Variants in UNC5D observed in about 807,000 individuals in gnomAD.
The protein encoded by UNC5D is netrin receptor UNC5D.
A neutral mutation model predicts 105.4 loss-of-function variants in UNC5D; 39 were observed. The ratio of observed to expected loss-of-function variants is 0.37; its 90% CI spans 0.29 to 0.48. UNC5D has a LOEUF of 0.48. Ranked by LOEUF, UNC5D falls within the 20% of genes least tolerant of loss-of-function variation. UNC5D has a pLI of 0.98. For missense variants in UNC5D, 991 were observed against 1,202.4 expected (o/e 0.82, Z 2.60); for synonymous variants, 452 against 450.4 (o/e 1.00, Z -0.04).
Position 35,796,100 on chromosome 8 carries a change from G to T in UNC5D, c.*5537G>T, listed in dbSNP as rs1035055018. 6.6e-6 allele frequency: 1 copy of T among 152,012 alleles called. No homozygotes were observed. Among genetic ancestry groups the T allele is most frequent in the African/African-American group, 2.4e-5 (1 of 41,390 alleles). 9.4% of individuals were successfully genotyped at this position (152,012 alleles called of 1,614,324 possible). ...ACCACTCTCAACTTTTATTTGATGT[G>T]TTCAAAGCCAAAAAATAAAATAAAA... On this transcript the variant is annotated 3_prime_UTR_variant, in exon 17 of 17. Transcript: ENST00000404895.
intron 1 of UNC5D, among the ~76,000 whole-genome samples, chr8:35,408,324 T>C (rs1804940414): frequency 6.6e-6 from 1 of 151,856 alleles, no homozygotes; most frequent in South Asian, 2.1e-4. Flanking sequence ...TTTTTATTTA[T>C]TTTTTTGGTT....
At position 35,726,154 on chromosome 8, in the gene UNC5D, A is replaced by G; in HGVS notation, c.1306A>G (p.Asn436Asp). The change falls in exon 10 of 17, where the codon AAC becomes GAC. Residue 436 changes from asparagine to aspartate, a missense_variant and splice_region_variant. Around this residue, in one of 3 missense-constraint regions of UNC5D, gnomAD observed 944 missense variants for 1,131.6 expected, o/e 0.83. Coordinates refer to ENST00000404895, the MANE Select transcript of UNC5D (RefSeq NM_080872.4). ...ACAGATCAATTTTCTTTTACCAGGTAACTCCCTGCTCCTGAATTCTGCCAT... is the reference window on the plus strand; with the variant it reads ...ACAGATCAATTTTCTTTTACCAGGTGACTCCCTGCTCCTGAATTCTGCCAT... ...TFNFKTVRQG[N>D]SLLLNSAMQP... 1 of 1,604,514 alleles carries G rather than the reference A, an allele frequency of 6.2e-7. No homozygotes were observed. The highest frequency in any genetic ancestry group is 8.5e-7 in the Non-Finnish European group (1 of 1,173,412).
intron 16 of UNC5D, among the ~76,000 whole-genome samples, chr8:35,785,118 T>C (rs2131792588): frequency 6.6e-6 from 1 of 152,174 alleles, no homozygotes; most frequent in African/African-American, 2.4e-5. Flanking sequence ...GTGAATTCTG[T>C]TTTGTAGTAC....
intron 14 of UNC5D, among the ~76,000 whole-genome samples, chr8:35,763,126 A>T (rs1290196309): frequency 6.6e-6 from 1 of 152,140 alleles, no homozygotes; most frequent in Admixed American, 6.5e-5. Context: ...CGGTGCTTCT[A>T]ATTCTATTAT....
chr8:35,382,881 T>C, intron 1 of UNC5D, among the ~76,000 whole-genome samples: 1 of 152,212 alleles, frequency 6.6e-6, no homozygotes, highest in East Asian at 1.9e-4. Flanking sequence ...CTCTAGTTTA[T>C]GGATATTACC....
chr8:35,367,343 A>AT (rs1585680671), intron 1 of UNC5D, among the ~76,000 whole-genome samples: 1 of 151,894 alleles, frequency 6.6e-6, no homozygotes, highest in South Asian at 2.1e-4. Context: ...TTAAACTTCT[A>AT]TTTTTTCAAT....
chr8:35,337,239 C>A (rs1347855801), intron 1 of UNC5D, among the ~76,000 whole-genome samples: 1 of 152,182 alleles, frequency 6.6e-6, no homozygotes, highest in Non-Finnish European at 1.5e-5. Context: ...CCCAATATCA[C>A]TCCCTACTAG....
chr8:35,387,935 C>G (rs552979042), intron 1 of UNC5D, among the ~76,000 whole-genome samples: 1 of 151,958 alleles, frequency 6.6e-6, no homozygotes, highest in Non-Finnish European at 1.5e-5. Flanking sequence ...GAAAATTGAT[C>G]GGCTAAGTAA....
chr8:35,569,751 C>T (rs1318719202), intron 3 of UNC5D, among the ~76,000 whole-genome samples: 1 of 152,192 alleles, frequency 6.6e-6, no homozygotes, highest in African/African-American at 2.4e-5. Context: ...TCTGTGCTCC[C>T]AGCATGGTCT....
intron 4 of UNC5D, among the ~76,000 whole-genome samples, chr8:35,678,274 C>T (rs944947283): frequency 3.9e-5 from 6 of 152,146 alleles, no homozygotes; most frequent in Admixed American, 2.0e-4. Context: ...GGGTCCCTCA[C>T]ATCTGCAGTT....
At chr8:35,507,914 A>AT (rs1002951563) in intron 1 of UNC5D, among the ~76,000 whole-genome samples, 72 of 152,224 alleles carry the variant, frequency 4.7e-4, no homozygotes, top group African/African-American at 1.7e-3. Context: ...ATTAAAAATT[A>AT]TTTTTTTAAA....
chr8:35,447,331 TA>T (rs966363280), intron 1 of UNC5D, among the ~76,000 whole-genome samples: 2 of 152,088 alleles, frequency 1.3e-5, no homozygotes, highest in Non-Finnish European at 2.9e-5. Context: ...GGGGGTTAAT[TA>T]ATTTGTCCAA....
intron 1 of UNC5D, among the ~76,000 whole-genome samples, chr8:35,285,631 T>C (rs1284869102): frequency 3.9e-5 from 6 of 152,210 alleles, no homozygotes; most frequent in African/African-American, 1.2e-4. Flanking sequence ...TTTTTCTTAA[T>C]CCAGAGCAAA....
chr8:35,619,256 C>T (rs1821209458), intron 4 of UNC5D, among the ~76,000 whole-genome samples: 1 of 152,058 alleles, frequency 6.6e-6, no homozygotes, highest in Admixed American at 6.5e-5. Flanking sequence ...GAATATAATT[C>T]CCATATAGGC....
At chr8:35,615,108 G>A (rs550974927) in intron 4 of UNC5D, among the ~76,000 whole-genome samples, 43 of 145,640 alleles carry the variant, frequency 3.0e-4, no homozygotes, top group Admixed American at 9.9e-4. Flanking sequence ...GCATGGTGGC[G>A]CACACATGTA....
intron 1 of UNC5D, among the ~76,000 whole-genome samples, chr8:35,527,418 C>A (rs1813953249): frequency 6.6e-6 from 1 of 152,102 alleles, no homozygotes; most frequent in Non-Finnish European, 1.5e-5. Flanking sequence ...GCTAAGAAGT[C>A]CATGACAAAA....
chr8:35,437,707 T>C lies in UNC5D; in HGVS notation c.104-111585T>C, dbSNP rs1299516309. On this transcript the variant is annotated intron_variant, in intron 1 of 16. Coordinates refer to ENST00000404895, the MANE Select transcript of UNC5D (RefSeq NM_080872.4). ...ATCTAAGAAGGCTATAGAAAAGAGA[T>C]CTATAAAACCTTGTGGGGCCTTCTG... 6.5e-4 allele frequency among the ~76,000 whole-genome samples: 99 copies of C among 152,134 alleles called. 1 individual carries two copies. Among genetic ancestry groups the C allele is most frequent in the Non-Finnish European group, 1.2e-4 (8 of 67,972 alleles).
intron 1 of UNC5D, among the ~76,000 whole-genome samples, chr8:35,462,162 A>C (rs557308156): frequency 6.6e-6 from 1 of 152,152 alleles, no homozygotes; most frequent in Non-Finnish European, 1.5e-5. Flanking sequence ...CTTAAATTCA[A>C]TTTACAAATC....
At chr8:35,741,162 CAT>C (rs1399017310) in intron 11 of UNC5D, among the ~76,000 whole-genome samples, 1 of 152,178 alleles carries the variant, frequency 6.6e-6, no homozygotes, top group Non-Finnish European at 1.5e-5. Context: ...GTGATTTACA[CAT>C]GATTTGTGAT....
Sources: gnomAD v4.1 joint callset for allele counts (sites outside exome capture counted in the v4.1 genomes callset) on GRCh38, gnomAD v4.1.1 for gene constraint, gnomAD v4.1.1 regional missense constraint, MANE v1.5 for transcripts, NCBI Gene and HGNC (gene_info 2026-07-23, HGNC 2026-07-21) for gene names.